The following ITGB5 variants were observed in gnomAD, a reference collection of about 807,000 sequenced individuals.
The protein encoded by ITGB5 is integrin subunit beta 5, also known as integrin beta-5.
ITGB5 carries 38 observed loss-of-function variants against 84.8 expected under a neutral mutation model. The ratio of observed to expected loss-of-function variants is 0.45; its 90% CI spans 0.35 to 0.59. ITGB5 has a LOEUF of 0.59. Ranked by LOEUF, ITGB5 falls within the 20% of genes least tolerant of loss-of-function variation. The probability of loss-of-function intolerance (pLI) is 0.01; values close to 1 mark genes in which losing one functional copy is unlikely to be tolerated. For missense variants in ITGB5, 905 were observed against 1,034.5 expected (o/e 0.87, Z 1.72); for synonymous variants, 393 against 414.4 (o/e 0.95, Z 0.63).
chr3:124,847,535 G>A (rs1402883449), intron 4 of ITGB5, among the ~76,000 whole-genome samples: 4 of 152,182 alleles, frequency 2.6e-5, no homozygotes, highest in Admixed American at 1.3e-4. Flanking sequence ...ATGTGGGAGC[G>A]GGCATGGCAA....
chr3:124,897,654 C>A (rs1935130246), intron 1 of ITGB5, among the ~76,000 whole-genome samples: 3 of 152,050 alleles, frequency 2.0e-5, no homozygotes, highest in African/African-American at 4.8e-5. Flanking sequence ...CCCATCTCTA[C>A]AAAATAAAGA....
chr3:124,766,133 C>A, intron 13 of ITGB5, 93 bp downstream of exon 13: 1 of 1,326,502 alleles, frequency 7.5e-7, no homozygotes, highest in Non-Finnish European at 1.0e-6. Context: ...CCGATGAGGA[C>A]AGAAAGGGCA....
intron 4 of ITGB5, among the ~76,000 whole-genome samples, chr3:124,845,111 C>T (rs1228542817): frequency 6.6e-6 from 1 of 152,160 alleles, no homozygotes; most frequent in East Asian, 1.9e-4. Flanking sequence ...GAAGGATCCA[C>T]AATTCAAGAA....
chr3:124,876,253 C>A (rs918303321), intron 1 of ITGB5, among the ~76,000 whole-genome samples: 1 of 151,780 alleles, frequency 6.6e-6, no homozygotes, highest in Non-Finnish European at 1.5e-5. Context: ...AACATCATAT[C>A]ATATACTGTA....
chr3:124,779,061 G>A (rs2063964830), intron 10 of ITGB5, among the ~76,000 whole-genome samples: 1 of 152,184 alleles, frequency 6.6e-6, no homozygotes. Context: ...AGAAACATCA[G>A]TGCTCTTCCA....
chr3:124,853,369 C>A (rs1489998037), intron 3 of ITGB5, among the ~76,000 whole-genome samples: 2 of 152,134 alleles, frequency 1.3e-5, no homozygotes, highest in African/African-American at 4.8e-5. Context: ...TATTGCCTCA[C>A]TGGTTTAGAA....
chr3:124,880,757 A>G (rs1446395824), intron 1 of ITGB5, among the ~76,000 whole-genome samples: 1 of 151,910 alleles, frequency 6.6e-6, no homozygotes, highest in African/African-American at 2.4e-5. Context: ...GTGAAACCCT[A>G]TCTTTACTAA....
chr3:124,836,648 A>AC (rs1197557598), intron 5 of ITGB5, among the ~76,000 whole-genome samples: 1 of 151,996 alleles, frequency 6.6e-6, no homozygotes, highest in Non-Finnish European at 1.5e-5. Context: ...CTCAGTTTCC[A>AC]CCCCTGTAAA....
chr3:124,867,056 C>T (rs1267873975), intron 2 of ITGB5, among the ~76,000 whole-genome samples: 1 of 152,146 alleles, frequency 6.6e-6, no homozygotes, highest in African/African-American at 2.4e-5. Context: ...CAGCCTCTCA[C>T]CTGTCTCCCT....
At chr3:124,872,525 C>T (rs1003740948) in intron 2 of ITGB5, among the ~76,000 whole-genome samples, 2 of 152,098 alleles carry the variant, frequency 1.3e-5, no homozygotes, top group African/African-American at 4.8e-5. Flanking sequence ...TGGAGACTAA[C>T]CCCAGCCTCC....
upstream of ITGB5, among the ~76,000 whole-genome samples, chr3:124,892,520 T>C: frequency 7.9e-6 from 1 of 125,914 alleles, no homozygotes. Context: ...TGAAATCCCA[T>C]CTCTATTAAA....
chr3:124,850,428 G>A (rs918173720), intron 3 of ITGB5, among the ~76,000 whole-genome samples: 3 of 151,740 alleles, frequency 2.0e-5, no homozygotes, highest in African/African-American at 7.3e-5. Context: ...CTTGCAGTCA[G>A]AGTGGCAGCT....
intron 1 of ITGB5, among the ~76,000 whole-genome samples, chr3:124,900,617 A>G (rs1372414930): frequency 1.3e-5 from 2 of 152,042 alleles, no homozygotes; most frequent in Non-Finnish European, 2.9e-5. Flanking sequence ...ACACCCCCAT[A>G]TGTTTTCCAG....
At chr3:124,892,886 C>T (rs942768976) in intron 1 of ITGB5, among the ~76,000 whole-genome samples, 4 of 152,120 alleles carry the variant, frequency 2.6e-5, no homozygotes, top group Non-Finnish European at 4.4e-5. Flanking sequence ...AAATATTTCA[C>T]TGAGGCATAC....
chr3:124,766,478 G>A lies in ITGB5; in HGVS notation c.2018-133C>T. The A allele has an allele frequency of 4.7e-6, 5 of 1,062,710 alleles. No homozygotes were observed. The South Asian group carries it at 6.3e-5, about 13-fold the overall frequency. 65.8% of individuals were successfully genotyped at this position (1,062,710 alleles called of 1,614,324 possible). A position where few individuals can be genotyped will look rare whatever the true frequency, so the allele number is the denominator to read the frequency against. ...GTGTGGGCAGAAAATCTTAAGGGGAGGCTGGGCCTTTGAAGATGAGTTCAG... is the reference window on the plus strand; with the variant it reads ...GTGTGGGCAGAAAATCTTAAGGGGAAGCTGGGCCTTTGAAGATGAGTTCAG... On this transcript the variant is annotated intron_variant, in intron 12 of 14. Transcript: ENST00000296181.
intron 2 of ITGB5, among the ~76,000 whole-genome samples, chr3:124,860,361 T>C (rs145573125): frequency 2.9e-4 from 44 of 152,304 alleles, no homozygotes; most frequent in Middle Eastern, 3.4e-3. Flanking sequence ...TATAGAATTG[T>C]ATTTATTAGG....
At chr3:124,825,155 C>G (rs1041556388) in intron 5 of ITGB5, among the ~76,000 whole-genome samples, 1 of 150,688 alleles carries the variant, frequency 6.6e-6, no homozygotes, top group African/African-American at 2.5e-5. Flanking sequence ...CAAGATCATG[C>G]CACTGCACTC....
intron 5 of ITGB5, among the ~76,000 whole-genome samples, chr3:124,827,357 G>A (rs2064797752): frequency 6.6e-6 from 1 of 152,118 alleles, no homozygotes; most frequent in East Asian, 1.9e-4. Context: ...ACACAAAAGG[G>A]ACTATAAAGG....
intron 11 of ITGB5, among the ~76,000 whole-genome samples, chr3:124,772,553 TG>T (rs1289771253): frequency 6.6e-6 from 1 of 152,268 alleles, no homozygotes; most frequent in Non-Finnish European, 1.5e-5. Flanking sequence ...TATTATGATT[TG>T]TTTCTGATCC....
Sources: gnomAD v4.1 joint callset for allele counts (sites outside exome capture counted in the v4.1 genomes callset) on GRCh38, gnomAD v4.1.1 for gene constraint, MANE v1.5 for transcripts, NCBI Gene and HGNC (gene_info 2026-07-23, HGNC 2026-07-21) for gene names.